The following STAG1 variants were observed in gnomAD, a reference collection of about 807,000 sequenced individuals.
The protein encoded by STAG1 is cohesin subunit SA-1.
In STAG1, 26 loss-of-function variants were observed where a neutral mutation model predicts 170.9. That is an observed-to-expected ratio of 0.15 (90% CI 0.11 to 0.21). STAG1 has a LOEUF of 0.21. Ranked by LOEUF, STAG1 falls within the 10% of genes least tolerant of loss-of-function variation. The probability of loss-of-function intolerance (pLI) is 1.00; values close to 1 mark genes in which losing one functional copy is unlikely to be tolerated. For missense variants in STAG1, 964 were observed against 1,509.5 expected, an observed-to-expected ratio of 0.64 and a Z score of 5.99; for synonymous variants, 514 against 497.7, an observed-to-expected ratio of 1.03 and a Z score of -0.44.
At chr3:136,604,638 A>G (rs1938845715) in intron 3 of STAG1, among the ~76,000 whole-genome samples, 165 bp from the exon 4 acceptor site, 1 of 152,116 alleles carries the variant, frequency 6.6e-6, no homozygotes, top group Admixed American at 6.6e-5. Flanking sequence ...TTATACATAA[A>G]AGGTATGAAG....
At chr3:136,349,432 T>A (rs1936352257) in intron 28 of STAG1, 69 bp from the exon 29 acceptor site, 2 of 1,148,080 alleles carry the variant, frequency 1.7e-6, no homozygotes, top group Non-Finnish European at 2.6e-6. Flanking sequence ...TTTTTCTTAA[T>A]CTGAGGCTCT....
At chr3:136,460,404 C>G (rs532317223) in intron 13 of STAG1, among the ~76,000 whole-genome samples, 2 of 152,132 alleles carry the variant, frequency 1.3e-5, no homozygotes, top group African/African-American at 4.8e-5. Flanking sequence ...GAGTTTGAGA[C>G]CAGCCTGGCC....
At chr3:136,735,323 G>C (rs1186671609) in intron 1 of STAG1, among the ~76,000 whole-genome samples, 1 of 151,968 alleles carries the variant, frequency 6.6e-6, no homozygotes, top group Non-Finnish European at 1.5e-5. Context: ...ACAGGGTCTT[G>C]CTATGATGTC....
intron 14 of STAG1, among the ~76,000 whole-genome samples, chr3:136,444,867 T>C (rs941551211): frequency 1.3e-5 from 2 of 152,146 alleles, no homozygotes; most frequent in Non-Finnish European, 2.9e-5. Context: ...TGTGATTTTT[T>C]TTTCTCCTTT....
intron 1 of STAG1, among the ~76,000 whole-genome samples, chr3:136,683,513 C>T (rs1189050688): frequency 6.6e-6 from 1 of 152,128 alleles, no homozygotes; most frequent in Non-Finnish European, 1.5e-5. Context: ...ATCCACCAGC[C>T]TCGGCCTCCC....
intron 1 of STAG1, among the ~76,000 whole-genome samples, chr3:136,742,904 G>A (rs962408353): frequency 3.3e-5 from 5 of 152,032 alleles, no homozygotes; most frequent in African/African-American, 1.2e-4. Flanking sequence ...AACAAAAAGT[G>A]CCTAAAATCT....
intron 6 of STAG1, among the ~76,000 whole-genome samples, chr3:136,530,531 C>T (rs1559862732): frequency 1.3e-5 from 2 of 152,074 alleles, no homozygotes; most frequent in African/African-American, 2.4e-5. Context: ...AAACAAGTCT[C>T]GTCAAATTTT....
intron 15 of STAG1, among the ~76,000 whole-genome samples, chr3:136,433,881 ACT>A (rs568277269): frequency 1.2e-4 from 18 of 152,104 alleles, no homozygotes; most frequent in Non-Finnish European, 2.1e-4. Context: ...AAGAGGATAA[ACT>A]CTGGTCTCTT....
At chr3:136,387,533 A>G (rs1170500326) in intron 22 of STAG1, among the ~76,000 whole-genome samples, 1 of 152,196 alleles carries the variant, frequency 6.6e-6, no homozygotes, top group African/African-American at 2.4e-5. Context: ...AACAAGACAC[A>G]AAAGGCCCCA....
intron 2 of STAG1, among the ~76,000 whole-genome samples, chr3:136,630,172 G>A (rs955642403): frequency 2.6e-5 from 4 of 152,048 alleles, no homozygotes; most frequent in South Asian, 2.1e-4. Flanking sequence ...TCCAGCATGG[G>A]CAACAGTGGA....
At position 136,407,229 on chromosome 3, in the gene STAG1, C is replaced by T. The variant is rs2087509754; in HGVS notation, c.2197-8400G>A. Among the ~76,000 whole-genome samples, 7 of 152,216 alleles carry T rather than the reference C, an allele frequency of 4.6e-5. No individual in the cohort carries two copies. The South Asian group carries it at 1.5e-3, about 32-fold the overall frequency. ...TTAGTAAAGACAGCATTTTGCCATA[C>T]TGGCCAGGCTGGTCTCGAACTCTTG... On this transcript the variant is annotated intron_variant, in intron 21 of 33. Transcript: ENST00000383202.
intron 26 of STAG1, among the ~76,000 whole-genome samples, chr3:136,362,966 C>T (rs889573492): frequency 6.6e-6 from 1 of 151,852 alleles, no homozygotes; most frequent in African/African-American, 2.4e-5. Context: ...CCACTAGGCC[C>T]CCTGAAATCA....
At position 136,451,730 on chromosome 3, in the gene STAG1, T is replaced by C. The variant is rs1454396035; in HGVS notation, c.1428+303A>G. Among the ~76,000 whole-genome samples, 10 of 151,002 alleles carry C rather than the reference T, an allele frequency of 6.6e-5. 1 individual carries two copies. Among genetic ancestry groups the C allele is most frequent in the Admixed American group, 5.9e-4 (9 of 15,140 alleles). On this transcript the variant is annotated intron_variant, in intron 14 of 33. Coordinates refer to ENST00000383202, the MANE Select transcript of STAG1 (RefSeq NM_005862.3). ...GTGAGCCGAGATCGCACCACTGTAC[T>C]CCAGCCTGGGTGACAGAGTGAGACC...
rs1287009391 is a variant in STAG1 at position 136,496,658 on chromosome 3, A to G, written c.902+3565T>C. 2.0e-5 allele frequency among the ~76,000 whole-genome samples: 3 copies of G among 152,332 alleles called. No individual in the cohort carries two copies. In the East Asian group the frequency reaches 5.8e-4, roughly 29 times the overall value. On this transcript the variant is annotated intron_variant, in intron 9 of 33. Transcript: ENST00000383202. ...ACACATAGCTAAAGCAGTGCTTTAA[A>G]AAATTTATAGGAGTAAATTCCCTTA...
intron 4 of STAG1, among the ~76,000 whole-genome samples, chr3:136,572,835 T>G (rs1370534067): frequency 6.6e-6 from 1 of 152,148 alleles, no homozygotes; most frequent in African/African-American, 2.4e-5. Flanking sequence ...AACAAAGTTG[T>G]ACCTTTTATA....
intron 23 of STAG1, among the ~76,000 whole-genome samples, chr3:136,372,147 GCTGT>G (rs985674321): frequency 7.3e-5 from 11 of 151,120 alleles, no homozygotes; most frequent in South Asian, 2.1e-4. Context: ...TCATGATTTG[GCTGT>G]CTGTTATTGG....
intron 2 of STAG1, among the ~76,000 whole-genome samples, chr3:136,624,434 G>GA (rs1417951615): frequency 6.6e-6 from 1 of 152,160 alleles, no homozygotes; most frequent in East Asian, 1.9e-4. Flanking sequence ...TGCAACTGAT[G>GA]AATGAATAGG....
rs1207671431 is a variant in STAG1 at position 136,565,011 on chromosome 3, A to AAGGAAGGAAGGCAGGCAGGCAGGC, written c.394+3753_394+3754insGCCTGCCTGCCTGCCTTCCTTCCT. Among the ~76,000 whole-genome samples, 51 of 45,420 alleles carry AAGGAAGGAAGGCAGGCAGGCAGGC rather than the reference A, an allele frequency of 1.1e-3. 2 individuals are homozygous for AAGGAAGGAAGGCAGGCAGGCAGGC. Among genetic ancestry groups the AAGGAAGGAAGGCAGGCAGGCAGGC allele is most frequent in the South Asian group, 2.3e-3 (3 of 1,278 alleles). 29.8% of individuals were successfully genotyped at this position (45,420 alleles called of 152,430 possible). A position where few individuals can be genotyped will look rare whatever the true frequency, so the allele number is the denominator to read the frequency against. On this transcript the variant is annotated intron_variant, in intron 5 of 33. Coordinates refer to ENST00000383202, the MANE Select transcript of STAG1 (RefSeq NM_005862.3). Reference sequence around the variant, plus strand: ...GAAGGAAGGAAGGAAGGAAGGAAGGAAGGCAGGCAGGCAGGCAGGCAGGCA... The same window carrying AAGGAAGGAAGGCAGGCAGGCAGGC: ...GAAGGAAGGAAGGAAGGAAGGAAGGAAGGAAGGAAGGCAGGCAGGCAGGCAGGCAGGCAGGCAGGCAGGCAGGCA...
At chr3:136,349,453 G>T (rs576811902) in intron 28 of STAG1, 90 bp from the exon 29 acceptor site, 1 of 944,474 alleles carries the variant, frequency 1.1e-6, no homozygotes, top group East Asian at 2.5e-5. Flanking sequence ...CTTTCTGCAG[G>T]TTCTGAAGAA....
Sources: allele counts gnomAD v4.1 joint callset (sites outside exome capture counted in the v4.1 genomes callset), GRCh38; gene constraint gnomAD v4.1.1; transcripts MANE v1.5; gene names NCBI Gene and HGNC (gene_info 2026-07-23, HGNC 2026-07-21).